Variants in AKAP9 observed in about 807,000 individuals in gnomAD.
AKAP9 encodes the protein A-kinase anchoring protein 9.
Under a neutral mutation model 488.5 loss-of-function variants are expected in AKAP9, and 311 were observed. The observed-to-expected ratio is 0.64, with a 90% CI of 0.58 to 0.70. AKAP9 has a LOEUF of 0.70. AKAP9 is among the 30% of genes least tolerant of loss of function. AKAP9 has a pLI of 0.00. For missense variants in AKAP9, 4,215 were observed against 4,374.5 expected (o/e 0.96, Z 1.03); for synonymous variants, 1,462 against 1,483.5 (o/e 0.99, Z 0.33).
intron 3 of AKAP9, among the ~76,000 whole-genome samples, chr7:91,991,673 G>A (rs188885296): frequency 2.4e-4 from 37 of 151,756 alleles, no homozygotes; most frequent in African/African-American, 8.2e-4. Flanking sequence ...GGGTTTCACC[G>A]TGTTAGCCAG....
intron 49 of AKAP9, 79 bp from the exon 50 acceptor site, chr7:92,110,043 T>A (rs1694233841): frequency 1.9e-6 from 2 of 1,068,490 alleles, no homozygotes; most frequent in South Asian, 2.7e-5. Flanking sequence ...AATAATTTCC[T>A]TTGTGTGAAC....
intron 16 of AKAP9, among the ~76,000 whole-genome samples, chr7:92,036,295 C>CT (rs1408420152): frequency 6.6e-6 from 1 of 151,530 alleles, no homozygotes; most frequent in East Asian, 1.9e-4. Context: ...TTGGTGTTCT[C>CT]TTTTCTCCTT....
At chr7:92,054,863 A>G (rs1281948832) in intron 22 of AKAP9, among the ~76,000 whole-genome samples, 1 of 152,050 alleles carries the variant, frequency 6.6e-6, no homozygotes, top group Non-Finnish European at 1.5e-5. Context: ...AGAGACTGTC[A>G]TAAGGCCCTT....
chr7:91,963,527 CAT>C (rs1554381742), intron 1 of AKAP9, among the ~76,000 whole-genome samples: 4 of 144,952 alleles, frequency 2.8e-5, no homozygotes, highest in South Asian at 2.2e-4. Flanking sequence ...CACACACACA[CAT>C]ATTTTTGAGA....
chr7:92,091,662 G>T (rs1257470952), intron 38 of AKAP9, among the ~76,000 whole-genome samples: 1 of 151,142 alleles, frequency 6.6e-6, no homozygotes, highest in Non-Finnish European at 1.5e-5. Context: ...AAAAAAGCAG[G>T]TTAAAATTAC....
At chr7:91,999,767 C>G (rs1798903261) in intron 7 of AKAP9, among the ~76,000 whole-genome samples, 1 of 152,182 alleles carries the variant, frequency 6.6e-6, no homozygotes, top group South Asian at 2.1e-4. Context: ...AACCAAAATT[C>G]TCAAAGGCTG....
chr7:92,071,452 T>C (rs1811720161), intron 28 of AKAP9, among the ~76,000 whole-genome samples: 1 of 151,970 alleles, frequency 6.6e-6, no homozygotes, highest in South Asian at 2.1e-4. Context: ...ATACAGAATA[T>C]GTTCTTAAAA....
intron 14 of AKAP9, among the ~76,000 whole-genome samples, chr7:92,028,452 A>G (rs560049786): frequency 6.6e-6 from 1 of 152,262 alleles, no homozygotes; most frequent in Admixed American, 6.5e-5. Flanking sequence ...TCAGAGCAGT[A>G]TATACAAGGG....
intron 7 of AKAP9, among the ~76,000 whole-genome samples, chr7:91,996,486 C>T (rs1422201698): frequency 6.6e-6 from 1 of 152,140 alleles, no homozygotes; most frequent in Non-Finnish European, 1.5e-5. Flanking sequence ...CTGGAGCTTC[C>T]TGTACTACAC....
rs527377207 is a variant in AKAP9 at position 92,104,336 on chromosome 7, G to A, written c.11331-1342G>A. Among the ~76,000 whole-genome samples the A allele has an allele frequency of 2.0e-5, 3 of 151,606 alleles. No individual in the cohort carries two copies. In the East Asian group the frequency reaches 5.8e-4, roughly 29 times the overall value. On this transcript the variant is annotated intron_variant, in intron 46 of 49. Coordinates refer to ENST00000356239, the MANE Select transcript of AKAP9 (RefSeq NM_005751.5). ...CTCCTGAGTAGCTGGGACTACAGGC[G>A]CCCACCACCACACCCGGCTAATTTT...
Position 92,098,092 on chromosome 7 carries a change from T to C in AKAP9, c.10608-17T>C. On this transcript the variant is annotated splice_polypyrimidine_tract_variant and intron_variant, in intron 42 of 49. Coordinates refer to ENST00000356239, the MANE Select transcript of AKAP9 (RefSeq NM_005751.5). The stretch of plus-strand genomic sequence containing the variant: ...AATTGAGAAGGTATGTTTTGACTTT[T>C]TGTCTTTTTCTTGAAGACTACAGTT... 6.4e-7 allele frequency: 1 copy of C among 1,552,642 alleles called. No individual in the cohort carries two copies. Among genetic ancestry groups the C allele is most frequent in the Non-Finnish European group, 8.9e-7 (1 of 1,124,406 alleles).
intron 36 of AKAP9, 88 bp downstream of exon 36, chr7:92,085,774 T>C (rs1283789385): frequency 9.7e-7 from 1 of 1,030,174 alleles, no homozygotes; most frequent in Non-Finnish European, 1.4e-6. Flanking sequence ...CTTTTATACA[T>C]ATTTTTGCAT....
At position 92,110,380 on chromosome 7, in the gene AKAP9, A is replaced by G; in HGVS notation, c.*221A>G. On this transcript the variant is annotated 3_prime_UTR_variant, in exon 50 of 50. Coordinates refer to ENST00000356239, the MANE Select transcript of AKAP9 (RefSeq NM_005751.5). ...ACAATAATTATTGAATTACCTGTATATTTGTGGAATGCTAATTTAAAACAT... is the reference window on the plus strand; with the variant it reads ...ACAATAATTATTGAATTACCTGTATGTTTGTGGAATGCTAATTTAAAACAT... 1.8e-6 allele frequency: 1 copy of G among 544,500 alleles called. No individual in the cohort carries two copies. Among genetic ancestry groups the G allele is most frequent in the South Asian group, 2.3e-5 (1 of 43,102 alleles). 33.7% of individuals were successfully genotyped at this position (544,500 alleles called of 1,614,324 possible).
chr7:91,951,443 G>A (rs1352231370), intron 1 of AKAP9, among the ~76,000 whole-genome samples: 1 of 151,870 alleles, frequency 6.6e-6, no homozygotes, highest in African/African-American at 2.4e-5. Context: ...TCTCACTTCA[G>A]GCTCCCGAGT....
chr7:92,095,829 C>G (rs942992889), intron 40 of AKAP9, among the ~76,000 whole-genome samples: 1 of 152,164 alleles, frequency 6.6e-6, no homozygotes, highest in Non-Finnish European at 1.5e-5. Context: ...AGCCTCCAGG[C>G]AAAGAGAACT....
chr7:92,101,320 T>C (rs1453181018), intron 45 of AKAP9, among the ~76,000 whole-genome samples: 1 of 151,996 alleles, frequency 6.6e-6, no homozygotes, highest in Non-Finnish European at 1.5e-5. Flanking sequence ...CGGGTGCCTG[T>C]AGTCCCAGCT....
intron 22 of AKAP9, among the ~76,000 whole-genome samples, chr7:92,060,166 A>G (rs1809520997): frequency 6.6e-6 from 1 of 152,056 alleles, no homozygotes. Flanking sequence ...TTTAACAATA[A>G]AGTATCCTTT....
At chr7:91,977,591 C>CT (rs1275084409) in intron 2 of AKAP9, among the ~76,000 whole-genome samples, 1 of 152,098 alleles carries the variant, frequency 6.6e-6, no homozygotes, top group Non-Finnish European at 1.5e-5. Flanking sequence ...CCAAAAATAA[C>CT]TTTGTCTGTT....
chr7:92,031,477 T>A, intron 15 of AKAP9, 35 bp from the exon 16 acceptor site: 1 of 1,405,326 alleles, frequency 7.1e-7, no homozygotes, highest in Non-Finnish European at 1.0e-6. Flanking sequence ...GTATAATTAA[T>A]GTAAATAAAT....
Sources: gnomAD v4.1 joint callset for allele counts (sites outside exome capture counted in the v4.1 genomes callset) on GRCh38, gnomAD v4.1.1 for gene constraint, MANE v1.5 for transcripts, NCBI Gene and HGNC (gene_info 2026-07-23, HGNC 2026-07-21) for gene names.